The following GPHN variants were observed in gnomAD, a reference collection of about 807,000 sequenced individuals.
GPHN encodes gephyrin.
A neutral mutation model predicts 95.5 loss-of-function variants in GPHN; 17 were observed. The ratio of observed to expected loss-of-function variants is 0.18; its 90% CI spans 0.12 to 0.27. The LOEUF is 0.27. Ranked by LOEUF, GPHN falls within the 10% of genes least tolerant of loss-of-function variation. GPHN has a pLI of 1.00. For synonymous variants in GPHN, 320 were observed against 322.5 expected (o/e 0.99, Z 0.08); for missense variants, 660 against 978.1 (o/e 0.67, Z 4.34).
chr14:67,572,514 C>G, the GPHN span, among the ~76,000 whole-genome samples: 2 of 152,178 alleles, frequency 1.3e-5, no homozygotes, highest in African/African-American at 4.8e-5. Flanking sequence ...TGGCCAGTTA[C>G]TGAGAGCCTA....
intron 9 of GPHN, among the ~76,000 whole-genome samples, chr14:66,994,180 A>C (rs1028040238): frequency 3.3e-5 from 5 of 152,144 alleles, no homozygotes; most frequent in Non-Finnish European, 7.4e-5. Context: ...AGCCTGGCCA[A>C]CATGGTGAAA....
At chr14:67,180,427 T>C (rs1341125701) in intron 22 of GPHN, among the ~76,000 whole-genome samples, 1 of 152,206 alleles carries the variant, frequency 6.6e-6, no homozygotes, top group East Asian at 1.9e-4. Flanking sequence ...CCTAGTACTT[T>C]GGCACTCAGT....
At chr14:66,910,518 T>G (rs2065621082) in intron 5 of GPHN, among the ~76,000 whole-genome samples, 1 of 151,998 alleles carries the variant, frequency 6.6e-6, no homozygotes, top group Admixed American at 6.6e-5. Flanking sequence ...TGCTTATTCC[T>G]GTGACTCATA....
the GPHN span, among the ~76,000 whole-genome samples, chr14:67,371,562 CA>C: frequency 6.6e-6 from 1 of 152,196 alleles, no homozygotes; most frequent in Non-Finnish European, 1.5e-5. Context: ...ATAGCCTATA[CA>C]CACATAGGTT....
the GPHN span, among the ~76,000 whole-genome samples, chr14:67,202,091 A>G: frequency 8.5e-5 from 13 of 152,304 alleles, no homozygotes; most frequent in Non-Finnish European, 1.9e-4. Context: ...GAACTGGTCG[A>G]TTGGTACGTG....
chr14:67,455,287 T>G, the GPHN span, among the ~76,000 whole-genome samples: 6 of 152,192 alleles, frequency 3.9e-5, no homozygotes, highest in Admixed American at 6.5e-5. Context: ...GCCCCTCAGT[T>G]TCTCATCCCC....
intron 9 of GPHN, among the ~76,000 whole-genome samples, chr14:66,982,800 AC>A (rs900285735): frequency 6.6e-6 from 1 of 152,106 alleles, no homozygotes; most frequent in African/African-American, 2.4e-5. Context: ...TTACAGTTTA[AC>A]CTCTCTTAGC....
chr14:66,926,525 T>A (rs932498585), intron 8 of GPHN, among the ~76,000 whole-genome samples: 2 of 152,196 alleles, frequency 1.3e-5, no homozygotes, highest in Non-Finnish European at 2.9e-5. Context: ...CCCCAATGTA[T>A]GTTCTTGACC....
chr14:67,125,236 A>G (rs985733415), intron 17 of GPHN, among the ~76,000 whole-genome samples: 22 of 152,154 alleles, frequency 1.4e-4, no homozygotes, highest in African/African-American at 4.8e-4. Flanking sequence ...GGAGGAAAGA[A>G]TTTATAATTG....
chr14:67,671,829 C>A, the GPHN span, among the ~76,000 whole-genome samples: 1 of 152,132 alleles, frequency 6.6e-6, no homozygotes, highest in Admixed American at 6.5e-5. Context: ...AGCAGGCAAG[C>A]AAGAGAGGGC....
intron 1 of GPHN, among the ~76,000 whole-genome samples, chr14:66,524,718 A>G (rs947312627): frequency 2.0e-5 from 3 of 151,246 alleles, no homozygotes; most frequent in African/African-American, 7.3e-5. Flanking sequence ...TCATTCTTCA[A>G]CTCCCACTTA....
chr14:66,899,873 C>G (rs1288458445), intron 5 of GPHN, among the ~76,000 whole-genome samples: 2 of 151,846 alleles, frequency 1.3e-5, no homozygotes, highest in African/African-American at 4.8e-5. Flanking sequence ...AGAGAATTCA[C>G]TAGTGGAACC....
chr14:66,754,544 A>C (rs1488119587), intron 2 of GPHN, among the ~76,000 whole-genome samples: 1 of 151,994 alleles, frequency 6.6e-6, no homozygotes, highest in Non-Finnish European at 1.5e-5. Flanking sequence ...GCCTTTTAAA[A>C]CACAATCTTA....
chr14:67,483,603 C>T, the GPHN span, among the ~76,000 whole-genome samples: 2 of 152,222 alleles, frequency 1.3e-5, no homozygotes, highest in African/African-American at 4.8e-5. Flanking sequence ...GGGATCCACA[C>T]AGAGGCCCTC....
At chr14:67,433,835 C>A in the GPHN span, among the ~76,000 whole-genome samples, 3 of 149,792 alleles carry the variant, frequency 2.0e-5, no homozygotes, top group African/African-American at 7.7e-5. Flanking sequence ...CACTGTTTAA[C>A]AAATATCGTC....
chr14:67,371,525 A>G, the GPHN span, among the ~76,000 whole-genome samples: 3 of 152,224 alleles, frequency 2.0e-5, no homozygotes, highest in African/African-American at 7.2e-5. Context: ...TGCAAATTTC[A>G]TAGAGTGTGC....
intron 11 of GPHN, 101 bp downstream of exon 11, chr14:67,058,887 T>C: frequency 9.8e-7 from 1 of 1,023,396 alleles, no homozygotes; most frequent in East Asian, 2.4e-5. Flanking sequence ...GAAAGATTAT[T>C]AACCATTATT....
intron 1 of GPHN, among the ~76,000 whole-genome samples, chr14:66,647,231 AAT>A (rs761778991): frequency 6.6e-6 from 1 of 151,196 alleles, no homozygotes; most frequent in Non-Finnish European, 1.5e-5. Flanking sequence ...TTAAAAATAA[AAT>A]AAATTGTATA....
the GPHN span, among the ~76,000 whole-genome samples, chr14:67,436,207 C>T: frequency 6.6e-6 from 1 of 152,160 alleles, no homozygotes; most frequent in South Asian, 2.1e-4. Context: ...CAAGGTTGGC[C>T]AACCTCCTCC....
Sources: allele counts gnomAD v4.1 joint callset (sites outside exome capture counted in the v4.1 genomes callset), GRCh38; gene constraint gnomAD v4.1.1; transcripts MANE v1.5; gene names NCBI Gene and HGNC (gene_info 2026-07-23, HGNC 2026-07-21).